AGO2: variants seen among roughly 807,000 people sequenced by gnomAD.
The protein encoded by AGO2 is argonaute RISC catalytic component 2.
Under a neutral mutation model 102.3 loss-of-function variants are expected in AGO2, and 5 were observed. The ratio of observed to expected loss-of-function variants is 0.05; its 90% CI spans 0.03 to 0.10. AGO2 has a LOEUF of 0.10. AGO2 is among the 10% of genes least tolerant of loss of function. AGO2 has a pLI of 1.00. For synonymous variants in AGO2, 449 were observed against 473.1 expected (o/e 0.95, Z 0.66); for missense variants, 541 against 1,183.7 (o/e 0.46, Z 7.97).
intron 4 of AGO2, among the ~76,000 whole-genome samples, chr8:140,560,714 G>A (rs1172647267): frequency 1.3e-5 from 2 of 152,240 alleles, no homozygotes; most frequent in African/African-American, 4.8e-5. Flanking sequence ...CAGGCTGGGG[G>A]ACCCGTGGCC....
intron 1 of AGO2, among the ~76,000 whole-genome samples, chr8:140,591,306 G>A (rs1216162199): frequency 6.6e-6 from 1 of 152,198 alleles, no homozygotes; most frequent in Non-Finnish European, 1.5e-5. Flanking sequence ...ACGTGAGCAG[G>A]GGAGCAGTCA....
At chr8:140,587,467 T>C (rs1378794874) in intron 1 of AGO2, among the ~76,000 whole-genome samples, 1 of 152,234 alleles carries the variant, frequency 6.6e-6, no homozygotes, top group East Asian at 1.9e-4. Context: ...CTGCAGGCCT[T>C]AGACCTTGGG....
intron 1 of AGO2, among the ~76,000 whole-genome samples, chr8:140,588,309 C>T (rs2073689448): frequency 1.3e-5 from 2 of 152,194 alleles, no homozygotes; most frequent in African/African-American, 2.4e-5. Flanking sequence ...AGTCACACTG[C>T]AGGCTCGGTT....
chr8:140,536,854 C>T (rs2072707560), intron 16 of AGO2, among the ~76,000 whole-genome samples: 1 of 152,206 alleles, frequency 6.6e-6, no homozygotes. Context: ...CCTCAGCCTT[C>T]CCTTGACTCC....
intron 1 of AGO2, among the ~76,000 whole-genome samples, chr8:140,623,623 G>A (rs563266524): frequency 6.6e-6 from 1 of 152,086 alleles, no homozygotes; most frequent in Non-Finnish European, 1.5e-5. Context: ...GCCCCCTGAT[G>A]TGGCCATGCT....
chr8:140,579,460 C>T (rs772000493), intron 2 of AGO2, among the ~76,000 whole-genome samples: 26 of 152,106 alleles, frequency 1.7e-4, no homozygotes, highest in Non-Finnish European at 3.5e-4. Flanking sequence ...TATACAATGT[C>T]GCCACTAGGT....
chr8:140,559,188 T>C (rs1012467511), intron 6 of AGO2, among the ~76,000 whole-genome samples: 2 of 152,174 alleles, frequency 1.3e-5, no homozygotes, highest in Non-Finnish European at 2.9e-5. Context: ...CCTCACCCCA[T>C]GGGGTTGTAT....
chr8:140,588,698 G>T (rs899055395), intron 1 of AGO2, among the ~76,000 whole-genome samples: 1 of 152,244 alleles, frequency 6.6e-6, no homozygotes, highest in African/African-American at 2.4e-5. Flanking sequence ...CATTCTTTGT[G>T]CAGGGCAATA....
At chr8:140,593,485 C>A (rs1030105504) in intron 1 of AGO2, among the ~76,000 whole-genome samples, 3 of 150,708 alleles carry the variant, frequency 2.0e-5, no homozygotes, top group Non-Finnish European at 4.4e-5. Flanking sequence ...AGCCACTGTG[C>A]CCGGCCGACA....
At chr8:140,535,646 G>A (rs755597304) in intron 16 of AGO2, 77 bp from the exon 17 acceptor site, 282 of 1,401,468 alleles carry the variant, frequency 2.0e-4, no homozygotes, top group Non-Finnish European at 2.5e-4. Context: ...CAGCCGCGCC[G>A]CCCGCTGGCC....
chr8:140,567,102 G>A lies in AGO2; in HGVS notation c.337-4468C>T, dbSNP rs1219120585. Among the ~76,000 whole-genome samples, 1 of 152,202 alleles carries A rather than the reference G, an allele frequency of 6.6e-6. No individual in the cohort carries two copies. The highest frequency in any genetic ancestry group is 1.9e-4 in the East Asian group (1 of 5,196). On this transcript the variant is annotated intron_variant, in intron 3 of 18. Transcript: ENST00000220592. The surrounding 1 kb of genome is among the most constrained non-coding windows in gnomAD (Gnocchi z 5.0). ...AAAACCTCTGTAGTCAACACCGAGG[G>A]GCAATGGCAAGGGGTCTATTTTCCC... is the stretch of plus-strand genomic sequence containing the variant.
At chr8:140,590,375 G>C (rs1284240610) in intron 1 of AGO2, among the ~76,000 whole-genome samples, 1 of 152,216 alleles carries the variant, frequency 6.6e-6, no homozygotes, top group African/African-American at 2.4e-5. Flanking sequence ...CCAGGTCCCT[G>C]GCCACAGAAG....
chr8:140,574,124 C>A (rs1180856449), intron 2 of AGO2, among the ~76,000 whole-genome samples: 1 of 149,082 alleles, frequency 6.7e-6, no homozygotes, highest in Non-Finnish European at 1.5e-5. Context: ...CCACGACCCC[C>A]ACCCTCCACC....
intron 11 of AGO2, 41 bp from the exon 12 acceptor site, chr8:140,549,339 G>A (rs753658975): frequency 2.6e-6 from 4 of 1,538,604 alleles, no homozygotes; most frequent in Non-Finnish European, 3.5e-6. Flanking sequence ...CACTGGGAAT[G>A]GCAGAGAACT....
chr8:140,594,307 T>C (rs560108907), intron 1 of AGO2, among the ~76,000 whole-genome samples: 1 of 152,328 alleles, frequency 6.6e-6, no homozygotes, highest in South Asian at 2.1e-4. Context: ...TCACATCCTA[T>C]TACAAAATAA....
At chr8:140,548,414 C>G (rs550538927) in intron 12 of AGO2, among the ~76,000 whole-genome samples, 2 of 152,056 alleles carry the variant, frequency 1.3e-5, no homozygotes, top group Admixed American at 6.5e-5. Context: ...AATAAAAACA[C>G]TGGCACCCTC....
At chr8:140,547,252 G>A (rs1041537972) in intron 13 of AGO2, among the ~76,000 whole-genome samples, 5 of 152,208 alleles carry the variant, frequency 3.3e-5, no homozygotes, top group Non-Finnish European at 7.3e-5. Flanking sequence ...CTGGAAACCC[G>A]GCCACAGTGC....
intron 5 of AGO2, 48 bp downstream of exon 5, chr8:140,560,326 C>T (rs756957845): frequency 2.5e-6 from 4 of 1,592,630 alleles, no homozygotes; most frequent in African/African-American, 1.3e-5. Flanking sequence ...GACCCCCCAG[C>T]CCATGCCCAA....
intron 6 of AGO2, 135 bp downstream of exon 6, chr8:140,559,260 C>G: frequency 9.0e-7 from 1 of 1,110,402 alleles, no homozygotes. Context: ...CATGCTACCT[C>G]ATCTGATGGC....
Sources: allele counts gnomAD v4.1 joint callset (sites outside exome capture counted in the v4.1 genomes callset), GRCh38; gene constraint gnomAD v4.1.1; non-coding constraint Gnocchi (gnomAD v3.1); transcripts MANE v1.5; gene names NCBI Gene and HGNC (gene_info 2026-07-23, HGNC 2026-07-21).